The following UNC5C variants were observed in gnomAD, a reference collection of about 807,000 sequenced individuals.
The protein encoded by UNC5C is netrin receptor UNC5C.
Under a neutral mutation model 99.8 loss-of-function variants are expected in UNC5C, and 47 were observed. That is an observed-to-expected ratio of 0.47 (90% CI 0.37 to 0.60). The LOEUF (loss-of-function observed/expected upper bound fraction) is 0.60. Ranked by LOEUF, UNC5C falls within the 20% of genes least tolerant of loss-of-function variation. The pLI, the probability that UNC5C is intolerant of heterozygous loss-of-function variation, is 0.00. For missense variants in UNC5C, 1,062 were observed against 1,165.9 expected (o/e 0.91, Z 1.30); for synonymous variants, 487 against 452.2 (o/e 1.08, Z -0.98).
intron 1 of UNC5C, among the ~76,000 whole-genome samples, chr4:95,434,366 T>C (rs1746716331): frequency 6.6e-6 from 1 of 152,126 alleles, no homozygotes; most frequent in African/African-American, 2.4e-5. Flanking sequence ...ACATGTTTAC[T>C]AAGCACCTAC....
At chr4:95,237,399 T>C (rs1560747244) in intron 7 of UNC5C, among the ~76,000 whole-genome samples, 1 of 152,214 alleles carries the variant, frequency 6.6e-6, no homozygotes, top group Non-Finnish European at 1.5e-5. Flanking sequence ...TAACTACACA[T>C]TTGTTTAACA....
intron 1 of UNC5C, among the ~76,000 whole-genome samples, chr4:95,529,242 T>G (rs1722575854): frequency 6.7e-6 from 1 of 150,054 alleles, no homozygotes; most frequent in Non-Finnish European, 1.5e-5. Flanking sequence ...AAAACTAAAC[T>G]GAATTGTGAT....
At chr4:95,539,698 A>T (rs2149495539) in intron 1 of UNC5C, among the ~76,000 whole-genome samples, 1 of 152,232 alleles carries the variant, frequency 6.6e-6, no homozygotes, top group East Asian at 1.9e-4. Context: ...GCTCACAGGG[A>T]ATTAGTGAAC....
At chr4:95,318,337 A>C (rs946451088) in intron 2 of UNC5C, among the ~76,000 whole-genome samples, 3 of 152,132 alleles carry the variant, frequency 2.0e-5, no homozygotes, top group Admixed American at 6.5e-5. Context: ...TGGAAGAGAC[A>C]AGAAACAGAT....
intron 1 of UNC5C, among the ~76,000 whole-genome samples, chr4:95,409,555 T>G (rs1342185799): frequency 6.6e-6 from 1 of 152,224 alleles, no homozygotes; most frequent in Non-Finnish European, 1.5e-5. Flanking sequence ...CATTCACAAT[T>G]GCCTTTTATC....
At chr4:95,520,895 GGC>G (rs1722337840) in intron 1 of UNC5C, among the ~76,000 whole-genome samples, 1 of 151,776 alleles carries the variant, frequency 6.6e-6, no homozygotes, top group African/African-American at 2.4e-5. Flanking sequence ...CACCGCGCCC[GGC>G]CTAGTATATC....
In UNC5C at chr4:95,461,705, G is replaced by A. The variant is rs138408398; in HGVS notation, c.124+87029C>T. ...GGGGCTTTAATTTGGCAAGCCCACC[G>A]GCAGCATGCTGTTGCACTGCTCAAA... is the stretch of plus-strand genomic sequence containing the variant. On this transcript the variant is annotated intron_variant, in intron 1 of 15. Coordinates refer to ENST00000453304, the MANE Select transcript of UNC5C (RefSeq NM_003728.4). Among the ~76,000 whole-genome samples, 649 of 152,144 alleles carry A rather than the reference G, an allele frequency of 4.3e-3. 11 individuals are homozygous for A. The highest frequency in any genetic ancestry group is 0.015 in the African/African-American group (611 of 41,502).
At chr4:95,179,576 G>C (rs1278539408) in intron 14 of UNC5C, among the ~76,000 whole-genome samples, 1 of 151,934 alleles carries the variant, frequency 6.6e-6, no homozygotes, top group Non-Finnish European at 1.5e-5. Flanking sequence ...GTGAAACCCT[G>C]TCTCTACTAA....
chr4:95,467,213 C>T (rs1396516101), intron 1 of UNC5C, among the ~76,000 whole-genome samples: 2 of 152,126 alleles, frequency 1.3e-5, no homozygotes, highest in Admixed American at 6.5e-5. Flanking sequence ...GATTCCCCAC[C>T]CTCAGAACCA....
intron 1 of UNC5C, among the ~76,000 whole-genome samples, chr4:95,389,693 A>T (rs1745302872): frequency 6.6e-6 from 1 of 152,130 alleles, no homozygotes; most frequent in South Asian, 2.1e-4. Context: ...AATTTTATGA[A>T]ATCAAATACA....
chr4:95,312,837 G>A (rs1286508328), intron 2 of UNC5C, among the ~76,000 whole-genome samples: 1 of 152,148 alleles, frequency 6.6e-6, no homozygotes, highest in African/African-American at 2.4e-5. Flanking sequence ...GTACAGATTA[G>A]CATCATTTTC....
intron 1 of UNC5C, among the ~76,000 whole-genome samples, chr4:95,501,809 T>TA (rs924821125): frequency 3.9e-5 from 6 of 152,156 alleles, no homozygotes; most frequent in African/African-American, 1.4e-4. Context: ...ATGCTACCTT[T>TA]GAAAATATTC....
chr4:95,311,265 T>C (rs1742265953), intron 2 of UNC5C, among the ~76,000 whole-genome samples: 1 of 152,178 alleles, frequency 6.6e-6, no homozygotes, highest in Non-Finnish European at 1.5e-5. Flanking sequence ...AATTAACTTA[T>C]GCCTTGTGTG....
chr4:95,277,168 G>A (rs41417547), intron 4 of UNC5C, among the ~76,000 whole-genome samples: 17,143 of 152,054 alleles, frequency 0.11, 1,384 homozygotes, highest in East Asian at 0.31. Context: ...TTATTTTTCC[G>A]TTTCAGAGAT....
intron 1 of UNC5C, among the ~76,000 whole-genome samples, chr4:95,449,889 T>C (rs1747232165): frequency 6.6e-6 from 1 of 152,304 alleles, no homozygotes; most frequent in Admixed American, 6.5e-5. Context: ...TATTGGAGCA[T>C]TTGTCAAATT....
At chr4:95,222,224 T>G in intron 7 of UNC5C, 1 of 1,500,372 alleles carries the variant, frequency 6.7e-7, no homozygotes, top group Non-Finnish European at 8.8e-7. Flanking sequence ...AAATCCATAT[T>G]CATTCTGGGT....
At chr4:95,382,251 T>C (rs529300057) in intron 1 of UNC5C, among the ~76,000 whole-genome samples, 1 of 152,016 alleles carries the variant, frequency 6.6e-6, no homozygotes, top group African/African-American at 2.4e-5. Context: ...GGAGGGAGGA[T>C]TGCTTGAGTC....
At chr4:95,547,803 A>G (rs1578221423) in intron 1 of UNC5C, among the ~76,000 whole-genome samples, 1 of 152,146 alleles carries the variant, frequency 6.6e-6, no homozygotes, top group East Asian at 1.9e-4. Context: ...CTAACACTTC[A>G]AACTAGGCGG....
intron 5 of UNC5C, among the ~76,000 whole-genome samples, chr4:95,245,863 T>A (rs1739485542): frequency 6.6e-6 from 1 of 152,240 alleles, no homozygotes; most frequent in Non-Finnish European, 1.5e-5. Flanking sequence ...AATACTTTGA[T>A]ATATATTTTT....
Sources: gnomAD v4.1 joint callset for allele counts (sites outside exome capture counted in the v4.1 genomes callset) on GRCh38, gnomAD v4.1.1 for gene constraint, MANE v1.5 for transcripts, NCBI Gene and HGNC (gene_info 2026-07-23, HGNC 2026-07-21) for gene names.